RBM6: variants seen among roughly 807,000 people sequenced by gnomAD.
RBM6 encodes RNA binding motif protein 6.
In RBM6, 23 loss-of-function variants were observed where a neutral mutation model predicts 140.4. The ratio of observed to expected loss-of-function variants is 0.16; its 90% CI spans 0.12 to 0.23. The LOEUF (loss-of-function observed/expected upper bound fraction) is 0.23, where lower values mean the gene tolerates loss of function less well. Ranked by LOEUF, RBM6 falls within the 10% of genes least tolerant of loss-of-function variation. RBM6 has a pLI of 1.00. For missense variants in RBM6, 1,139 were observed against 1,386.7 expected (o/e 0.82, Z 2.84); for synonymous variants, 439 against 475.6 (o/e 0.92, Z 1.00).
At chr3:49,941,666 A>AAAAAAG (rs1228773810) in intron 1 of RBM6, among the ~76,000 whole-genome samples, 2 of 140,368 alleles carry the variant, frequency 1.4e-5, no homozygotes, top group African/African-American at 5.2e-5. Flanking sequence ...AAAAAAAAAA[A>AAAAAAG]AAAACCCGCA....
chr3:49,993,039 T>G (rs1402695116), intron 5 of RBM6, among the ~76,000 whole-genome samples: 4 of 152,222 alleles, frequency 2.6e-5, no homozygotes, highest in Non-Finnish European at 5.9e-5. Flanking sequence ...ACTCCCCCTT[T>G]TGACTTATGT....
chr3:50,051,347 C>G (rs751088777), intron 7 of RBM6, among the ~76,000 whole-genome samples: 24 of 151,914 alleles, frequency 1.6e-4, no homozygotes, highest in Non-Finnish European at 3.5e-4. Context: ...GACCTTGTCT[C>G]AAAATTTTTT....
intron 5 of RBM6, among the ~76,000 whole-genome samples, chr3:49,993,986 A>C (rs562299012): frequency 6.6e-6 from 1 of 152,326 alleles, no homozygotes; most frequent in East Asian, 1.9e-4. Context: ...CATGTGGACC[A>C]ATTTTATCCT....
chr3:49,995,350 GT>G (rs2086034824), intron 5 of RBM6, among the ~76,000 whole-genome samples: 2 of 152,120 alleles, frequency 1.3e-5, no homozygotes, highest in Non-Finnish European at 2.9e-5. Flanking sequence ...GAGCTCAGGA[GT>G]TCGAGACCAG....
chr3:50,057,614 T>C (rs1474021604), intron 8 of RBM6, 114 bp from the exon 9 acceptor site: 4 of 608,158 alleles, frequency 6.6e-6, no homozygotes, highest in Non-Finnish European at 1.0e-5. Flanking sequence ...AAAAAAGGCA[T>C]TCCAGTATGA....
chr3:49,988,911 CACTCCAACCT>C (rs913598072), intron 5 of RBM6, among the ~76,000 whole-genome samples: 11 of 151,880 alleles, frequency 7.2e-5, no homozygotes, highest in African/African-American at 2.7e-4. Flanking sequence ...TGCACCACTG[CACTCCAACCT>C]GGGTGACAGA....
chr3:50,071,734 G>A (rs943064582), intron 19 of RBM6, among the ~76,000 whole-genome samples: 1 of 152,186 alleles, frequency 6.6e-6, no homozygotes, highest in African/African-American at 2.4e-5. Context: ...CACTGATGGT[G>A]TTCAGGTCTC....
At chr3:50,034,276 G>A (rs1047355588) in intron 6 of RBM6, among the ~76,000 whole-genome samples, 1 of 151,584 alleles carries the variant, frequency 6.6e-6, no homozygotes. Context: ...GAGCCATCAC[G>A]CTCAGCCTAG....
chr3:50,065,599 C>A (rs1382685598), intron 16 of RBM6: 1 of 457,212 alleles, frequency 2.2e-6, no homozygotes, highest in South Asian at 1.5e-5. Flanking sequence ...GCAGTAGTCT[C>A]AACCTAATCA....
intron 19 of RBM6, among the ~76,000 whole-genome samples, chr3:50,074,932 G>A (rs768099846): frequency 9.9e-5 from 15 of 151,996 alleles, no homozygotes; most frequent in Admixed American, 6.6e-4. Context: ...CGGATTACCT[G>A]AGGTCAGGAG....
chr3:50,055,248 C>G (rs553520089), intron 8 of RBM6, among the ~76,000 whole-genome samples: 2 of 152,122 alleles, frequency 1.3e-5, no homozygotes, highest in Admixed American at 6.6e-5. Context: ...ACCAACATGC[C>G]GAAACCCTGT....
chr3:49,964,164 C>G (rs745491785), intron 2 of RBM6, among the ~76,000 whole-genome samples: 1 of 152,174 alleles, frequency 6.6e-6, no homozygotes, highest in Non-Finnish European at 1.5e-5. Context: ...ACCTCAGCCT[C>G]CCAAAGTGCT....
At chr3:49,969,211 G>A (rs71326905) in intron 3 of RBM6, among the ~76,000 whole-genome samples, 1 of 150,836 alleles carries the variant, frequency 6.6e-6, no homozygotes, top group African/African-American at 2.4e-5. Flanking sequence ...TTTTAGTGCA[G>A]ATGGGGTTTC....
intron 8 of RBM6, 26 bp downstream of exon 8, chr3:50,054,421 T>A: frequency 6.3e-7 from 1 of 1,577,026 alleles, no homozygotes; most frequent in Non-Finnish European, 8.7e-7. Flanking sequence ...GGTAGCAGTT[T>A]TTATCTCGTG....
chr3:50,065,380 G>A (rs1444326418), intron 16 of RBM6, among the ~76,000 whole-genome samples: 1 of 152,192 alleles, frequency 6.6e-6, no homozygotes, highest in East Asian at 1.9e-4. Flanking sequence ...CTTACCAGAC[G>A]AGATGCCTAG....
intron 2 of RBM6, 92 bp downstream of exon 2, chr3:49,962,777 G>A (rs929964872): frequency 1.1e-5 from 14 of 1,256,964 alleles, no homozygotes; most frequent in Non-Finnish European, 1.5e-5. Context: ...TATTTTCTCT[G>A]TGGAGAAATA....
chr3:50,058,499 C>T lies in RBM6; in HGVS notation c.2067C>T (p.Ile689=). Reference sequence around the variant, plus strand: ...GCCTTACTACTGCCAACGTCCGTATCATCAAGAACAGAACAGGCCCTATGG... The same window carrying T: ...GCCTTACTACTGCCAACGTCCGTATTATCAAGAACAGAACAGGCCCTATGG... ...YVRLTTANVR[I]IKNRTGPMGH... Residue 689 remains isoleucine, a synonymous_variant, in exon 10 of 21, where the codon ATC becomes ATT. Coordinates refer to ENST00000266022, the MANE Select transcript of RBM6 (RefSeq NM_005777.3). The T allele has an allele frequency of 5.6e-6, 9 of 1,608,930 alleles. No homozygotes were observed. Among genetic ancestry groups the T allele is most frequent in the Non-Finnish European group, 7.7e-6 (9 of 1,175,246 alleles).
Position 49,992,127 on chromosome 3 carries a change from C to T in RBM6, c.1484-7313C>T, listed in dbSNP as rs928530055. ...CCACGACACCTGGCTGATTTAAAAC[C>T]TTTTGTAGAGATAGTGTCCCAGTGT... On this transcript the variant is annotated intron_variant, in intron 5 of 20. Coordinates refer to ENST00000266022, the MANE Select transcript of RBM6 (RefSeq NM_005777.3). Among the ~76,000 whole-genome samples, 3 of 151,824 alleles carry T rather than the reference C, an allele frequency of 2.0e-5. No homozygotes were observed. In the East Asian group the frequency reaches 5.8e-4, roughly 29 times the overall value.
intron 5 of RBM6, among the ~76,000 whole-genome samples, chr3:49,979,281 A>C (rs1223697654): frequency 2.0e-5 from 3 of 152,144 alleles, no homozygotes; most frequent in Non-Finnish European, 4.4e-5. Flanking sequence ...GGAATGGGGA[A>C]CGACTCCCTA....
Sources: allele counts gnomAD v4.1 joint callset (sites outside exome capture counted in the v4.1 genomes callset), GRCh38; gene constraint gnomAD v4.1.1; transcripts MANE v1.5; gene names NCBI Gene and HGNC (gene_info 2026-07-23, HGNC 2026-07-21).